Variants in C1orf87 observed in about 807,000 individuals in gnomAD.
The protein encoded by C1orf87 is uncharacterized protein C1orf87.
A neutral mutation model predicts 60.5 loss-of-function variants in C1orf87; 58 were observed. The observed-to-expected ratio is 0.96, with a 90% confidence interval of 0.78 to 1.19. The LOEUF is 1.19. C1orf87 is among the 50% of genes most tolerant of loss of function. The pLI is 0.00. For synonymous variants in C1orf87, 236 were observed against 227.4 expected (o/e 1.04, Z -0.34); for missense variants, 673 against 638.6 (o/e 1.05, Z -0.58).
intron 5 of C1orf87, among the ~76,000 whole-genome samples, 195 bp from the exon 6 acceptor site, chr1:60,038,302 G>T (rs982564701): frequency 1.3e-5 from 2 of 152,036 alleles, no homozygotes; most frequent in South Asian, 2.1e-4. Flanking sequence ...TGGTAAAATT[G>T]TACTTCCTGG....
At chr1:60,066,124 G>A (rs1442346846) in intron 2 of C1orf87, among the ~76,000 whole-genome samples, 1 of 152,136 alleles carries the variant, frequency 6.6e-6, no homozygotes, top group Non-Finnish European at 1.5e-5. Context: ...GGCTTGCCTC[G>A]ATGATACCTG....
At chr1:60,023,872 T>G (rs1645180879) in intron 8 of C1orf87, among the ~76,000 whole-genome samples, 1 of 152,332 alleles carries the variant, frequency 6.6e-6, no homozygotes, top group East Asian at 1.9e-4. Flanking sequence ...TTGTGTAGAA[T>G]GTCTCTCTGT....
chr1:60,015,087 G>C (rs1468219719), intron 8 of C1orf87, among the ~76,000 whole-genome samples: 1 of 152,138 alleles, frequency 6.6e-6, no homozygotes, highest in Admixed American at 6.5e-5. Context: ...TAGTTTGCTG[G>C]GGCTGTGTTA....
chr1:60,069,562 T>C (rs1315718595), intron 2 of C1orf87, among the ~76,000 whole-genome samples: 1 of 152,208 alleles, frequency 6.6e-6, no homozygotes, highest in East Asian at 1.9e-4. Context: ...TTTTGTGAAA[T>C]ATATGTATAC....
rs747748315 is a variant in C1orf87 at position 60,055,339 on chromosome 1, A to C, written c.207T>G (p.Ile69Met). The C allele has an allele frequency of 3.1e-6, 5 of 1,614,022 alleles. No homozygotes were observed. The highest frequency in any genetic ancestry group is 4.2e-6 in the Non-Finnish European group (5 of 1,180,018). ...CAGTGGTTTGCTGATCAGTGAAGTT[A>C]ATGGGAACTGGGGTGTCTCTGCTCA... The part of the protein sequence containing the change: ...RQMSRDTPVP[I>M]NFTDQQTTDN... The change falls in exon 3 of 12, where the codon ATT (isoleucine) becomes ATG (methionine). Residue 69 changes from isoleucine (I) to methionine (M), a missense_variant. Coordinates refer to ENST00000371201, the MANE Select transcript of C1orf87 (RefSeq NM_152377.3).
chr1:60,049,159 T>C (rs1005576303), intron 3 of C1orf87, among the ~76,000 whole-genome samples: 1 of 152,116 alleles, frequency 6.6e-6, no homozygotes, highest in African/African-American at 2.4e-5. Flanking sequence ...TTACTGTCAA[T>C]TTTTCTTCCA....
intron 2 of C1orf87, among the ~76,000 whole-genome samples, chr1:60,062,235 T>C (rs1645502283): frequency 6.6e-6 from 1 of 152,224 alleles, no homozygotes; most frequent in South Asian, 2.1e-4. Context: ...AATCTCAGCA[T>C]ACATCTTTGT....
At chr1:60,034,826 A>T (rs1645264161) in intron 6 of C1orf87, among the ~76,000 whole-genome samples, 1 of 151,984 alleles carries the variant, frequency 6.6e-6, no homozygotes, top group Non-Finnish European at 1.5e-5. Flanking sequence ...TAAGAGGTCA[A>T]GTCTGTTTTG....
intron 8 of C1orf87, among the ~76,000 whole-genome samples, chr1:60,022,748 A>C (rs112973107): frequency 0.031 from 4,767 of 152,106 alleles, 249 homozygotes; most frequent in African/African-American, 0.11. Context: ...CAGCATGACT[A>C]CTTTTTTGCT....
intron 11 of C1orf87, among the ~76,000 whole-genome samples, chr1:59,993,182 T>C (rs1168458293): frequency 2.0e-5 from 3 of 152,206 alleles, no homozygotes; most frequent in African/African-American, 7.2e-5. Flanking sequence ...GATCATGCCA[T>C]TGCATTCTAG....
At chr1:60,047,035 G>T (rs1645376829) in intron 3 of C1orf87, among the ~76,000 whole-genome samples, 1 of 152,148 alleles carries the variant, frequency 6.6e-6, no homozygotes, top group South Asian at 2.1e-4. Flanking sequence ...ATAATTACAG[G>T]CAGTCATATG....
chr1:60,045,300 CT>C (rs568523931), intron 3 of C1orf87, among the ~76,000 whole-genome samples: 11 of 151,004 alleles, frequency 7.3e-5, no homozygotes, highest in Admixed American at 1.3e-4. Flanking sequence ...AAGTTGTATA[CT>C]TTTTTTTTAA....
At chr1:60,018,893 C>T (rs138989011) in intron 8 of C1orf87, among the ~76,000 whole-genome samples, 14 of 152,248 alleles carry the variant, frequency 9.2e-5, no homozygotes, top group African/African-American at 3.4e-4. Flanking sequence ...TATATTCTAA[C>T]TTATGTATTA....
intron 3 of C1orf87, among the ~76,000 whole-genome samples, chr1:60,052,092 A>G (rs1645418517): frequency 6.6e-6 from 1 of 152,228 alleles, no homozygotes; most frequent in Non-Finnish European, 1.5e-5. Context: ...TTGCAAGGCT[A>G]TTGTGGAGAA....
In C1orf87 at chr1:60,072,620, G is replaced by A. The variant is rs753861520; in HGVS notation, c.24C>T (p.Pro8=). 5.0e-6 allele frequency: 8 copies of A among 1,612,398 alleles called. No individual in the cohort carries two copies. The South Asian group carries it at 8.8e-5, about 18-fold the overall frequency. ...TCTCAGGCATTGCATCTGATCCACG[G>A]GGAGTCTTCCAGGCTGAAGACATGA... MSSAWKT[P]RGSDAMPEIM... Residue 8 remains proline (P), a synonymous_variant, in exon 2 of 12, where the codon CCC becomes CCT. Transcript: ENST00000371201.
intron 7 of C1orf87, among the ~76,000 whole-genome samples, chr1:60,027,717 A>AG: frequency 8.9e-6 from 1 of 112,036 alleles, no homozygotes; most frequent in African/African-American, 3.2e-5. Context: ...AGCTTAAAAG[A>AG]GGGGAAAAAA....
intron 3 of C1orf87, among the ~76,000 whole-genome samples, chr1:60,042,265 GT>G (rs557277795): frequency 6.6e-6 from 1 of 151,794 alleles, no homozygotes; most frequent in Non-Finnish European, 1.5e-5. Context: ...ACGGAGTCTT[GT>G]TTTTTTTACC....
At chr1:60,062,465 A>G (rs1272032439) in intron 2 of C1orf87, among the ~76,000 whole-genome samples, 2 of 152,332 alleles carry the variant, frequency 1.3e-5, no homozygotes, top group East Asian at 1.9e-4. Context: ...ACACAGTATC[A>G]TATGAGTATT....
chr1:60,022,348 G>A (rs1207061564), intron 8 of C1orf87, among the ~76,000 whole-genome samples: 1 of 151,900 alleles, frequency 6.6e-6, no homozygotes, highest in East Asian at 2.0e-4. Flanking sequence ...GGGTGACAGG[G>A]AACCAGATTC....
Sources: allele counts gnomAD v4.1 joint callset (sites outside exome capture counted in the v4.1 genomes callset), GRCh38; gene constraint gnomAD v4.1.1; transcripts MANE v1.5; gene names NCBI Gene and HGNC (gene_info 2026-07-23, HGNC 2026-07-21).